AHCYL2: variants seen among roughly 807,000 people sequenced by gnomAD.
AHCYL2 encodes the protein adenosylhomocysteinase like 2.
Under a neutral mutation model 81.4 loss-of-function variants are expected in AHCYL2, and 28 were observed. The observed-to-expected ratio is 0.34, with a 90% CI of 0.25 to 0.47. The LOEUF is 0.47. Ranked by LOEUF, AHCYL2 falls within the 20% of genes least tolerant of loss-of-function variation. The pLI is 1.00. For missense variants in AHCYL2, 551 were observed against 785.1 expected (o/e 0.70, Z 3.56); for synonymous variants, 272 against 290.2 (o/e 0.94, Z 0.64).
chr7:129,339,065 A>G (rs1485605287), intron 1 of AHCYL2, among the ~76,000 whole-genome samples: 1 of 152,166 alleles, frequency 6.6e-6, no homozygotes, highest in African/African-American at 2.4e-5. Context: ...CTAAGTTGGT[A>G]TTGATTTGTT....
chr7:129,333,139 GT>G (rs1798478637), intron 1 of AHCYL2, among the ~76,000 whole-genome samples: 2 of 151,768 alleles, frequency 1.3e-5, no homozygotes, highest in Non-Finnish European at 2.9e-5. Context: ...ATGATTTTTT[GT>G]TTCAAAGAGT....
intron 1 of AHCYL2, chr7:129,375,787 G>T: frequency 6.6e-7 from 1 of 1,525,438 alleles, no homozygotes; most frequent in Non-Finnish European, 8.8e-7. Flanking sequence ...AGAGCCAACA[G>T]AATTGCTGAT....
intron 4 of AHCYL2, among the ~76,000 whole-genome samples, chr7:129,396,840 C>G (rs982359362): frequency 2.0e-5 from 3 of 152,238 alleles, no homozygotes; most frequent in African/African-American, 7.2e-5. Flanking sequence ...CCACCTCAGC[C>G]TTCCTAGTAG....
intron 3 of AHCYL2, 101 bp downstream of exon 3, chr7:129,389,300 A>G (rs941551093): frequency 1.2e-4 from 171 of 1,408,146 alleles, no homozygotes; most frequent in Non-Finnish European, 1.6e-4. Flanking sequence ...TGAAATTTCT[A>G]TGTGATAAGA....
intron 1 of AHCYL2, among the ~76,000 whole-genome samples, chr7:129,243,988 T>A (rs1310852322): frequency 6.6e-6 from 1 of 151,752 alleles, no homozygotes; most frequent in Non-Finnish European, 1.5e-5. Flanking sequence ...TTATTATTTT[T>A]TTCTTTTTTT....
intron 1 of AHCYL2, among the ~76,000 whole-genome samples, chr7:129,329,131 A>G (rs1377962255): frequency 1.3e-5 from 2 of 152,222 alleles, no homozygotes; most frequent in Non-Finnish European, 2.9e-5. Context: ...CAACCAAAGC[A>G]ATGAGAGAAT....
intron 1 of AHCYL2, among the ~76,000 whole-genome samples, chr7:129,307,225 T>C (rs1797474617): frequency 6.6e-6 from 1 of 152,200 alleles, no homozygotes; most frequent in Non-Finnish European, 1.5e-5. Context: ...AGTCCAGAGA[T>C]GCTGTTCAGG....
At chr7:129,307,016 T>C (rs1293635185) in intron 1 of AHCYL2, among the ~76,000 whole-genome samples, 1 of 152,190 alleles carries the variant, frequency 6.6e-6, no homozygotes, top group Non-Finnish European at 1.5e-5. Context: ...AGCAGCCCTG[T>C]GGCCACCAAC....
intron 1 of AHCYL2, among the ~76,000 whole-genome samples, chr7:129,321,030 C>A (rs11763056): frequency 0.24 from 36,936 of 152,124 alleles, 4,562 homozygotes; most frequent in South Asian, 0.37. Flanking sequence ...GTATCTTAAC[C>A]TTGAATCCTA....
At chr7:129,373,779 A>G (rs917986204) in intron 1 of AHCYL2, among the ~76,000 whole-genome samples, 2 of 152,194 alleles carry the variant, frequency 1.3e-5, no homozygotes, top group South Asian at 2.1e-4. Flanking sequence ...GGAAAGGGGA[A>G]CCAGCTTAGT....
chr7:129,400,437 G>A, intron 6 of AHCYL2, 53 bp downstream of exon 6: 2 of 1,551,442 alleles, frequency 1.3e-6, no homozygotes, highest in South Asian at 2.3e-5. Flanking sequence ...ATGGGGATGG[G>A]TGGAGGTTAT....
intron 1 of AHCYL2, among the ~76,000 whole-genome samples, chr7:129,300,824 A>G (rs1231364650): frequency 6.6e-6 from 1 of 151,990 alleles, no homozygotes; most frequent in African/African-American, 2.4e-5. Context: ...GTGGCAAGAT[A>G]TTTCATTGTA....
chr7:129,358,123 G>T (rs1309645709), intron 1 of AHCYL2, among the ~76,000 whole-genome samples: 1 of 151,870 alleles, frequency 6.6e-6, no homozygotes, highest in Non-Finnish European at 1.5e-5. Flanking sequence ...GCCAGGGGCG[G>T]TGGCTCACCC....
chr7:129,362,285 C>CTATAATATA (rs1225509601), intron 1 of AHCYL2, among the ~76,000 whole-genome samples: 3 of 152,092 alleles, frequency 2.0e-5, no homozygotes, highest in Non-Finnish European at 2.9e-5. Flanking sequence ...ATAGTCTTTA[C>CTATAATATA]CTGTAATGAT....
At chr7:129,356,691 G>C (rs1439663117) in intron 1 of AHCYL2, among the ~76,000 whole-genome samples, 2 of 152,104 alleles carry the variant, frequency 1.3e-5, no homozygotes, top group Admixed American at 1.3e-4. Context: ...CAGCAATTTA[G>C]GAACTGTGTA....
chr7:129,249,677 G>A (rs559697655), intron 1 of AHCYL2, among the ~76,000 whole-genome samples: 1 of 152,062 alleles, frequency 6.6e-6, no homozygotes, highest in South Asian at 2.1e-4. Context: ...CACCCGCCTC[G>A]GCCTCCCAAA....
At chr7:129,386,284 G>A (rs960667804) in intron 2 of AHCYL2, among the ~76,000 whole-genome samples, 5 of 152,086 alleles carry the variant, frequency 3.3e-5, no homozygotes, top group Admixed American at 1.3e-4. Flanking sequence ...CCAGCATGGC[G>A]AAACCCCGTC....
Position 129,388,322 on chromosome 7 carries a change from G to A in AHCYL2, c.476-734G>A, listed in dbSNP as rs185141825. On this transcript the variant is annotated intron_variant, in intron 2 of 16. Transcript: ENST00000325006. ...TGAATAGTAGTAGCAGCAGCTGCCT[G>A]TTAACCACGATAAAAAGTTTTAGGC... is the stretch of plus-strand genomic sequence containing the variant. 8.5e-5 allele frequency: 13 copies of A among 152,310 alleles called. No individual in the cohort carries two copies. In the East Asian group the frequency reaches 1.9e-3, roughly 23 times the overall value. The allele number at this position is 152,310 out of a possible 1,614,324, so 9.4% of individuals were successfully genotyped here.
intron 1 of AHCYL2, among the ~76,000 whole-genome samples, chr7:129,231,839 A>G (rs947951608): frequency 3.9e-5 from 6 of 152,106 alleles, no homozygotes; most frequent in Non-Finnish European, 7.4e-5. Flanking sequence ...GATTATTTGT[A>G]TGGGTTTCAG....
Sources: allele counts gnomAD v4.1 joint callset (sites outside exome capture counted in the v4.1 genomes callset), GRCh38; gene constraint gnomAD v4.1.1; transcripts MANE v1.5; gene names NCBI Gene and HGNC (gene_info 2026-07-23, HGNC 2026-07-21).